The following GNAQ variants were observed in gnomAD, a reference collection of about 807,000 sequenced individuals.
The protein encoded by GNAQ is guanine nucleotide-binding protein G(q) subunit alpha.
Under a neutral mutation model 43.9 loss-of-function variants are expected in GNAQ, and 8 were observed. The ratio of observed to expected loss-of-function variants is 0.18; its 90% confidence interval spans 0.11 to 0.33. The LOEUF is 0.33. GNAQ is among the 10% of genes least tolerant of loss of function. The probability of loss-of-function intolerance (pLI) is 1.00; values close to 1 mark genes in which losing one functional copy is unlikely to be tolerated. For missense variants in GNAQ, 158 were observed against 450.8 expected (o/e 0.35, Z 5.88); for synonymous variants, 155 against 170.7 (o/e 0.91, Z 0.71).
chr9:77,877,746 C>A (rs545279754), intron 2 of GNAQ, among the ~76,000 whole-genome samples: 104 of 152,130 alleles, frequency 6.8e-4, no homozygotes, highest in Non-Finnish European at 1.2e-3. Flanking sequence ...TTTTATGAGA[C>A]AAGGGCAGGA....
At chr9:77,874,908 A>G (rs1828104640) in intron 2 of GNAQ, among the ~76,000 whole-genome samples, 1 of 151,906 alleles carries the variant, frequency 6.6e-6, no homozygotes, top group Non-Finnish European at 1.5e-5. Context: ...CATGTGAGCC[A>G]CCTCACATGG....
At chr9:77,804,586 G>C (rs560072497) in intron 3 of GNAQ, among the ~76,000 whole-genome samples, 2 of 152,178 alleles carry the variant, frequency 1.3e-5, no homozygotes, top group Admixed American at 1.3e-4. Context: ...AAGTACCTGT[G>C]GATAGTTAAG....
intron 3 of GNAQ, among the ~76,000 whole-genome samples, chr9:77,811,674 T>C (rs1326967924): frequency 2.0e-5 from 3 of 152,148 alleles, no homozygotes; most frequent in Admixed American, 2.0e-4. Context: ...GTTGAGAGGT[T>C]TACCTGGCTA....
rs1321674006 is a variant in GNAQ at position 77,869,299 on chromosome 9, T to C, written c.321+52862A>G. Among the ~76,000 whole-genome samples, 7 of 152,236 alleles carry C rather than the reference T, an allele frequency of 4.6e-5. No homozygotes were observed. The East Asian group carries it at 1.3e-3, about 29-fold the overall frequency. On this transcript the variant is annotated intron_variant, in intron 2 of 6. Coordinates refer to ENST00000286548, the MANE Select transcript of GNAQ (RefSeq NM_002072.5). ...TATGTTTTCTCTGCTTCTTCAATTT[T>C]GAGCCATTTTCATTTCAGTGGAAAA...
chr9:77,994,994 G>C (rs1199060781), intron 1 of GNAQ, among the ~76,000 whole-genome samples: 1 of 152,194 alleles, frequency 6.6e-6, no homozygotes, highest in Non-Finnish European at 1.5e-5. Flanking sequence ...ACTTTACAAA[G>C]TGAGAAATAA....
At chr9:77,845,690 G>C (rs182972437) in intron 2 of GNAQ, among the ~76,000 whole-genome samples, 93 of 152,210 alleles carry the variant, frequency 6.1e-4, no homozygotes, top group African/African-American at 2.1e-3. Context: ...CAGAAACACT[G>C]AAAGCAGCAA....
intron 2 of GNAQ, among the ~76,000 whole-genome samples, chr9:77,897,330 C>T (rs1006972183): frequency 1.3e-5 from 2 of 152,182 alleles, no homozygotes; most frequent in Non-Finnish European, 2.9e-5. Flanking sequence ...AACATGAATC[C>T]TTACTGCAGC....
At chr9:77,760,929 C>A (rs1347530621) in intron 5 of GNAQ, among the ~76,000 whole-genome samples, 1 of 150,678 alleles carries the variant, frequency 6.6e-6, no homozygotes, top group Non-Finnish European at 1.5e-5. Flanking sequence ...AGCATCTCTG[C>A]CCAGCCGCCC....
At chr9:77,900,364 T>C (rs1828582820) in intron 2 of GNAQ, among the ~76,000 whole-genome samples, 1 of 152,160 alleles carries the variant, frequency 6.6e-6, no homozygotes, top group Admixed American at 6.5e-5. Context: ...TAAAATGAGA[T>C]TTAGAGCTCA....
chr9:77,922,649 AAC>A (rs1238966626), intron 1 of GNAQ, among the ~76,000 whole-genome samples: 1 of 152,208 alleles, frequency 6.6e-6, no homozygotes, highest in Admixed American at 6.5e-5. Context: ...AAACAATGGC[AAC>A]AGCATCTTTT....
chr9:77,756,242 T>C (rs1825901603), intron 5 of GNAQ, among the ~76,000 whole-genome samples: 1 of 152,232 alleles, frequency 6.6e-6, no homozygotes, highest in African/African-American at 2.4e-5. Flanking sequence ...CCGTTATGTA[T>C]ACATCTATCC....
intron 1 of GNAQ, among the ~76,000 whole-genome samples, chr9:78,030,773 T>C (rs935303836): frequency 6.6e-6 from 1 of 152,016 alleles, no homozygotes; most frequent in Non-Finnish European, 1.5e-5. Context: ...GTCGGAGTGA[T>C]CTGCCATTTA....
chr9:77,806,570 G>A (rs1044269879), intron 3 of GNAQ, among the ~76,000 whole-genome samples: 2 of 152,236 alleles, frequency 1.3e-5, no homozygotes, highest in Admixed American at 6.5e-5. Flanking sequence ...AATAGGAAGG[G>A]AGAGATGATT....
chr9:77,852,790 T>C (rs1827691365), intron 2 of GNAQ, among the ~76,000 whole-genome samples: 2 of 152,248 alleles, frequency 1.3e-5, no homozygotes, highest in African/African-American at 2.4e-5. Flanking sequence ...GTTATATCCA[T>C]GGCCTATTAT....
At chr9:77,747,881 G>A (rs1469745146) in intron 5 of GNAQ, among the ~76,000 whole-genome samples, 1 of 152,212 alleles carries the variant, frequency 6.6e-6, no homozygotes, top group Admixed American at 6.5e-5. Context: ...GCAACCTTGT[G>A]AGATAAAGAC....
intron 5 of GNAQ, among the ~76,000 whole-genome samples, chr9:77,767,366 C>A (rs934189861): frequency 6.6e-6 from 1 of 152,046 alleles, no homozygotes; most frequent in Admixed American, 6.6e-5. Flanking sequence ...CATTGAGGGG[C>A]AGGATGGGGG....
intron 2 of GNAQ, among the ~76,000 whole-genome samples, chr9:77,902,809 C>T (rs1380324336): frequency 6.6e-6 from 1 of 152,170 alleles, no homozygotes; most frequent in Non-Finnish European, 1.5e-5. Flanking sequence ...GCAACTGCTT[C>T]CCAATCAGCC....
At chr9:77,905,922 AGCT>A (rs1451297816) in intron 2 of GNAQ, among the ~76,000 whole-genome samples, 1 of 152,088 alleles carries the variant, frequency 6.6e-6, no homozygotes, top group Non-Finnish European at 1.5e-5. Flanking sequence ...ACAAACTGGG[AGCT>A]GTCAGGGGGT....
intron 5 of GNAQ, among the ~76,000 whole-genome samples, chr9:77,761,721 TG>T (rs1477860741): frequency 1.9e-4 from 9 of 46,882 alleles, no homozygotes; most frequent in East Asian, 1.6e-3. Context: ...GGGAGGGAGG[TG>T]GGGGGGTCAG....
Sources: gnomAD v4.1 joint callset for allele counts (sites outside exome capture counted in the v4.1 genomes callset) on GRCh38, gnomAD v4.1.1 for gene constraint, MANE v1.5 for transcripts, NCBI Gene and HGNC (gene_info 2026-07-23, HGNC 2026-07-21) for gene names.